Variants in DIP2C observed in about 807,000 individuals in gnomAD.
DIP2C encodes disco-interacting protein 2 homolog C.
Under a neutral mutation model 192.4 loss-of-function variants are expected in DIP2C, and 33 were observed. The observed-to-expected ratio is 0.17, with a 90% CI of 0.13 to 0.23. DIP2C has a LOEUF of 0.23. DIP2C is among the 10% of genes least tolerant of loss of function. The probability of loss-of-function intolerance (pLI) is 1.00; values close to 1 mark genes in which losing one functional copy is unlikely to be tolerated. For synonymous variants in DIP2C, 979 were observed against 864.1 expected (o/e 1.13, Z -2.33); for missense variants, 1,537 against 2,110.1 (o/e 0.73, Z 5.32).
Position 382,633 on chromosome 10 carries a change from A to G in DIP2C, c.1991+14T>C. 4 of 1,600,744 alleles carry G rather than the reference A, an allele frequency of 2.5e-6. No individual in the cohort carries two copies. Among genetic ancestry groups the G allele is most frequent in the East Asian group, 2.2e-5 (1 of 44,842 alleles). On this transcript the variant is annotated intron_variant, in intron 17 of 36. Transcript: ENST00000280886. ...GTCTCTAGGTTATCTACGTAAATCAACATGACCCAGTACCTCCGGATGGCC... is the reference window on the plus strand; with the variant it reads ...GTCTCTAGGTTATCTACGTAAATCAGCATGACCCAGTACCTCCGGATGGCC...
chr10:486,615 C>T, intron 1 of DIP2C, 85 bp from the exon 2 acceptor site: 5 of 1,143,800 alleles, frequency 4.4e-6, no homozygotes, highest in Non-Finnish European at 6.1e-6. Context: ...ACACAGTTAT[C>T]ACAGTATCTT....
rs771830563 is a variant in DIP2C, at chr10:286,297, C to T, written c.4095G>A (p.Pro1365=). 14 of 1,613,932 alleles carry T rather than the reference C, an allele frequency of 8.7e-6. No homozygotes were observed. The highest frequency in any genetic ancestry group is 3.3e-5 in the Admixed American group (2 of 59,986). ...IIIANPETKG[P]LGDSHLGEIW... ...CCTCTCCAAGGTGTGAGTCCCCCAG[C>T]GGTCCTTTTGTTTCTGGGTTGGCAA... The change falls in exon 34 of 37, where the codon CCG becomes CCA. Residue 1365 remains proline (P), a synonymous_variant. Transcript: ENST00000280886.
intron 1 of DIP2C, among the ~76,000 whole-genome samples, chr10:632,397 C>A (rs1854573766): frequency 6.7e-6 from 1 of 149,666 alleles, no homozygotes; most frequent in Non-Finnish European, 1.5e-5. Flanking sequence ...GGTGTGAACC[C>A]AGACTCCACG....
At chr10:340,709 A>G (rs1958100284) in intron 29 of DIP2C, 1 of 455,714 alleles carries the variant, frequency 2.2e-6, no homozygotes, top group African/African-American at 2.0e-5. Context: ...ACCTGCTGTA[A>G]GCCAGGCTCC....
intron 1 of DIP2C, among the ~76,000 whole-genome samples, chr10:579,980 A>T (rs548680894): frequency 6.6e-6 from 1 of 151,700 alleles, no homozygotes; most frequent in Non-Finnish European, 1.5e-5. Context: ...GCCAATGTAC[A>T]TATACAGGTA....
intron 1 of DIP2C, among the ~76,000 whole-genome samples, chr10:620,277 C>A (rs1853772647): frequency 6.6e-6 from 1 of 152,150 alleles, no homozygotes; most frequent in Non-Finnish European, 1.5e-5. Flanking sequence ...ATACTTCAAG[C>A]TACAACTATC....
intron 4 of DIP2C, among the ~76,000 whole-genome samples, chr10:423,286 C>T (rs571899705): frequency 2.0e-3 from 306 of 152,346 alleles, no homozygotes; most frequent in Non-Finnish European, 2.6e-3. Flanking sequence ...GACAAATACA[C>T]ACTGACCCAT....
intron 1 of DIP2C, among the ~76,000 whole-genome samples, chr10:675,130 A>C (rs955115494): frequency 1.3e-5 from 2 of 152,180 alleles, no homozygotes; most frequent in Non-Finnish European, 2.9e-5. Context: ...ATAAATCAAC[A>C]ACAAGAACTT....
chr10:457,054 C>T (rs962806276), intron 3 of DIP2C, among the ~76,000 whole-genome samples: 4 of 152,182 alleles, frequency 2.6e-5, no homozygotes, highest in African/African-American at 9.7e-5. Context: ...ACATATCCAC[C>T]TCCAATTACG....
In DIP2C at chr10:274,682, C is replaced by T. The variant is rs539009854; in HGVS notation, c.*2643G>A. 3.3e-5 allele frequency: 5 copies of T among 152,134 alleles called. No individual in the cohort carries two copies. The highest frequency in any genetic ancestry group is 7.4e-5 in the Non-Finnish European group (5 of 68,026). The allele number at this position is 152,134 out of a possible 1,614,324, so 9.4% of individuals were successfully genotyped here. On this transcript the variant is annotated 3_prime_UTR_variant, in exon 37 of 37. Transcript: ENST00000280886. ...CTAACATTCAACTGATAAAAGGGAC[C>T]ATCTCCCTTGGGTAAAGTGTCAAGC...
chr10:311,700 G>A lies in DIP2C; in HGVS notation c.3925-1608C>T, dbSNP rs1956574381. The A allele has an allele frequency of 1.4e-5, 9 of 647,660 alleles. No individual in the cohort carries two copies. In the East Asian group the frequency reaches 3.1e-4, roughly 22 times the overall value. The allele number at this position is 647,660 out of a possible 1,614,324, so 40.1% of individuals were successfully genotyped here. A position where few individuals can be genotyped will look rare whatever the true frequency, so the allele number is the denominator to read the frequency against. The stretch of plus-strand genomic sequence containing the variant: ...ATGGAGAAGAGGGAGGGGTGGGGAG[G>A]AGAATGCGAAAAGCAGGAAACAAAA... On this transcript the variant is annotated intron_variant, in intron 31 of 36. Coordinates refer to ENST00000280886, the MANE Select transcript of DIP2C (RefSeq NM_014974.3).
At chr10:338,523 G>A (rs935221820) in intron 29 of DIP2C, among the ~76,000 whole-genome samples, 4 of 151,200 alleles carry the variant, frequency 2.6e-5, no homozygotes, top group African/African-American at 9.8e-5. Context: ...TCACGTTACC[G>A]CTGCCCACAG....
chr10:460,192 G>A (rs1007537710), intron 3 of DIP2C, among the ~76,000 whole-genome samples: 1 of 152,220 alleles, frequency 6.6e-6, no homozygotes, highest in African/African-American at 2.4e-5. Context: ...GGGTGGAATG[G>A]GCACAACACA....
chr10:581,269 GTC>G (rs1395520146), intron 1 of DIP2C, among the ~76,000 whole-genome samples: 19 of 152,282 alleles, frequency 1.2e-4, no homozygotes, highest in Non-Finnish European at 1.8e-4. Context: ...GTGTTTGTAT[GTC>G]TAAAAAGTTA....
intron 18 of DIP2C, among the ~76,000 whole-genome samples, chr10:368,547 T>C (rs1960574834): frequency 6.6e-6 from 1 of 152,126 alleles, no homozygotes; most frequent in African/African-American, 2.4e-5. Flanking sequence ...TGCCTTCATT[T>C]CTTTTATGCC....
chr10:597,269 C>G (rs1326037782), intron 1 of DIP2C, among the ~76,000 whole-genome samples: 1 of 152,240 alleles, frequency 6.6e-6, no homozygotes, highest in Admixed American at 6.5e-5. Flanking sequence ...GAGCCACACC[C>G]TCCCAGGCCT....
intron 29 of DIP2C, among the ~76,000 whole-genome samples, chr10:331,686 C>T (rs1160870998): frequency 1.3e-5 from 2 of 152,198 alleles, no homozygotes; most frequent in Admixed American, 1.3e-4. Context: ...AGCATCCTCG[C>T]TCTTTGCTTT....
At chr10:285,185 A>C (rs151258408) in intron 34 of DIP2C, among the ~76,000 whole-genome samples, 9 of 149,512 alleles carry the variant, frequency 6.0e-5, no homozygotes, top group Non-Finnish European at 7.4e-5. Flanking sequence ...AAGGCCCAAG[A>C]AGCAAAGCAA....
chr10:421,806 G>A (rs1319059005), intron 5 of DIP2C, among the ~76,000 whole-genome samples: 1 of 152,146 alleles, frequency 6.6e-6, no homozygotes, highest in Non-Finnish European at 1.5e-5. Context: ...GATCCCAGCA[G>A]CAGTTATTGG....
Sources: gnomAD v4.1 joint callset for allele counts (sites outside exome capture counted in the v4.1 genomes callset) on GRCh38, gnomAD v4.1.1 for gene constraint, MANE v1.5 for transcripts, NCBI Gene and HGNC (gene_info 2026-07-23, HGNC 2026-07-21) for gene names.